L3MBTL3: variants seen among roughly 807,000 people sequenced by gnomAD.
L3MBTL3 encodes L3MBTL histone methyl-lysine binding protein 3.
L3MBTL3 carries 27 observed loss-of-function variants against 102.3 expected under a neutral mutation model. That is an observed-to-expected ratio of 0.26 (90% confidence interval 0.19 to 0.36). The LOEUF (loss-of-function observed/expected upper bound fraction) is 0.36, where lower values mean the gene tolerates loss of function less well. L3MBTL3 is among the 10% of genes least tolerant of loss of function. The probability of loss-of-function intolerance (pLI) is 1.00; values close to 1 mark genes in which losing one functional copy is unlikely to be tolerated. For missense variants in L3MBTL3, 798 were observed against 955.3 expected, an observed-to-expected ratio of 0.84 and a Z score of 2.17; for synonymous variants, 340 against 320.9, an observed-to-expected ratio of 1.06 and a Z score of -0.64.
chr6:130,030,592 G>C (rs1779651643), intron 2 of L3MBTL3, among the ~76,000 whole-genome samples: 1 of 150,400 alleles, frequency 6.6e-6, no homozygotes, highest in African/African-American at 2.5e-5. Context: ...GCGTGAACCT[G>C]GGAGGCGGAG....
At chr6:130,051,609 T>G (rs972877779) in intron 6 of L3MBTL3, among the ~76,000 whole-genome samples, 2 of 152,216 alleles carry the variant, frequency 1.3e-5, no homozygotes, top group African/African-American at 4.8e-5. Flanking sequence ...TGAGTTGTAT[T>G]ACTAATATTC....
chr6:130,068,583 A>C (rs977147470), intron 12 of L3MBTL3, among the ~76,000 whole-genome samples, 162 bp downstream of exon 12: 4 of 152,232 alleles, frequency 2.6e-5, no homozygotes, highest in South Asian at 4.1e-4. Context: ...TAAAATCTTC[A>C]TGAACAAATA....
intron 18 of L3MBTL3, among the ~76,000 whole-genome samples, chr6:130,098,425 G>A (rs1443733724): frequency 1.3e-5 from 2 of 152,314 alleles, no homozygotes; most frequent in Non-Finnish European, 2.9e-5. Context: ...GAGTGGAGTG[G>A]CGCTCAGAGA....
At chr6:130,049,144 T>C in intron 3 of L3MBTL3, 138 bp from the exon 4 acceptor site, 3 of 600,278 alleles carry the variant, frequency 5.0e-6, no homozygotes, top group Non-Finnish European at 8.9e-6. Flanking sequence ...TGGTGGGAGG[T>C]GTATCAGGAT....
intron 7 of L3MBTL3, chr6:130,054,969 A>G (rs772805301): frequency 3.9e-6 from 2 of 518,192 alleles, no homozygotes; most frequent in Non-Finnish European, 7.0e-6. Flanking sequence ...AACCGGTAAC[A>G]CGTGGATACA....
chr6:130,027,113 G>C (rs1479209724), intron 2 of L3MBTL3, among the ~76,000 whole-genome samples: 1 of 152,208 alleles, frequency 6.6e-6, no homozygotes, highest in Non-Finnish European at 1.5e-5. Context: ...TTGACTCATC[G>C]GGTGGTTTTG....
At chr6:130,072,781 A>C (rs1468063931) in intron 13 of L3MBTL3, among the ~76,000 whole-genome samples, 1 of 152,142 alleles carries the variant, frequency 6.6e-6, no homozygotes, top group African/African-American at 2.4e-5. Flanking sequence ...AAATATAATA[A>C]TAACTATGAT....
chr6:130,127,990 A>G (rs1316948520), intron 20 of L3MBTL3, among the ~76,000 whole-genome samples: 1 of 152,198 alleles, frequency 6.6e-6, no homozygotes, highest in Non-Finnish European at 1.5e-5. Context: ...GACTGTTTCT[A>G]TCTGAAGTGT....
At chr6:130,129,765 C>T (rs773785187) in intron 20 of L3MBTL3, among the ~76,000 whole-genome samples, 13 of 152,104 alleles carry the variant, frequency 8.5e-5, no homozygotes, top group South Asian at 2.1e-4. Flanking sequence ...CTTTAGAACA[C>T]GAGGCTCTGT....
intron 14 of L3MBTL3, among the ~76,000 whole-genome samples, chr6:130,082,236 T>C (rs939579801): frequency 1.3e-5 from 2 of 152,214 alleles, no homozygotes; most frequent in Non-Finnish European, 2.9e-5. Context: ...AGAGATACTT[T>C]GAGACTGTGT....
At chr6:130,070,936 G>A (rs745756643) in intron 12 of L3MBTL3, 40 bp from the exon 13 acceptor site, 4 of 1,586,744 alleles carry the variant, frequency 2.5e-6, no homozygotes, top group South Asian at 2.3e-5. Flanking sequence ...TGGTTGTCAA[G>A]TGTGTGCTTA....
At chr6:130,022,656 A>G (rs1377682760) in intron 2 of L3MBTL3, among the ~76,000 whole-genome samples, 1 of 152,240 alleles carries the variant, frequency 6.6e-6, no homozygotes, top group Non-Finnish European at 1.5e-5. Flanking sequence ...TTACATTGTT[A>G]TACAGTGATA....
chr6:130,078,700 A>G, intron 14 of L3MBTL3, 66 bp downstream of exon 14: 1 of 1,055,002 alleles, frequency 9.5e-7, no homozygotes, highest in Non-Finnish European at 1.5e-6. Context: ...CTTTTTCTGT[A>G]AAGGGCCAGA....
chr6:130,027,366 C>T (rs1368323724), intron 2 of L3MBTL3, among the ~76,000 whole-genome samples: 2 of 152,124 alleles, frequency 1.3e-5, no homozygotes, highest in African/African-American at 4.8e-5. Flanking sequence ...GTTACTAGAA[C>T]ATTTTGGGTA....
intron 2 of L3MBTL3, among the ~76,000 whole-genome samples, chr6:130,042,151 A>G (rs1188652938): frequency 6.6e-6 from 1 of 152,170 alleles, no homozygotes; most frequent in Non-Finnish European, 1.5e-5. Flanking sequence ...TTGTTTTCCA[A>G]TTTTTTTAAA....
intron 19 of L3MBTL3, among the ~76,000 whole-genome samples, chr6:130,116,787 C>CTT (rs1785716435): frequency 6.6e-6 from 1 of 151,790 alleles, no homozygotes; most frequent in African/African-American, 2.4e-5. Context: ...GCCTAAGCAG[C>CTT]TTGTACCCTC....
intron 17 of L3MBTL3, 44 bp downstream of exon 17, chr6:130,092,903 T>G: frequency 8.4e-7 from 1 of 1,183,768 alleles, no homozygotes; most frequent in South Asian, 1.2e-5. Flanking sequence ...CATTTCCATA[T>G]GTAGCATTCT....
chr6:130,112,550 T>C (rs771492493), intron 19 of L3MBTL3, among the ~76,000 whole-genome samples: 7 of 152,172 alleles, frequency 4.6e-5, no homozygotes, highest in Non-Finnish European at 1.0e-4. Context: ...TAGAAAATGA[T>C]ACCACAGAAA....
chr6:130,035,909 T>A (rs1233065596), intron 2 of L3MBTL3, among the ~76,000 whole-genome samples: 2 of 151,966 alleles, frequency 1.3e-5, no homozygotes, highest in African/African-American at 4.8e-5. Flanking sequence ...AAAAAAAAAT[T>A]GTGATGGGGT....
Sources: allele counts gnomAD v4.1 joint callset (sites outside exome capture counted in the v4.1 genomes callset), GRCh38; gene constraint gnomAD v4.1.1; transcripts MANE v1.5; gene names NCBI Gene and HGNC (gene_info 2026-07-23, HGNC 2026-07-21).